NDC1: variants seen among roughly 807,000 people sequenced by gnomAD.
The protein encoded by NDC1 is nucleoporin NDC1.
A neutral mutation model predicts 89.8 loss-of-function variants in NDC1; 24 were observed. That is an observed-to-expected ratio of 0.27 (90% CI 0.19 to 0.38). NDC1 has a LOEUF of 0.38. Ranked by LOEUF, NDC1 falls within the 10% of genes least tolerant of loss-of-function variation. NDC1 has a pLI of 1.00. For synonymous variants in NDC1, 296 were observed against 284.8 expected (o/e 1.04, Z -0.39); for missense variants, 728 against 797.6 (o/e 0.91, Z 1.05).
At chr1:53,823,541 C>A (rs1403422361) in intron 5 of NDC1, among the ~76,000 whole-genome samples, 1 of 152,180 alleles carries the variant, frequency 6.6e-6, no homozygotes, top group African/African-American at 2.4e-5. Flanking sequence ...CACTCTACTG[C>A]ATATCTGTGG....
chr1:53,821,090 CA>C (rs1648655276), intron 5 of NDC1, among the ~76,000 whole-genome samples: 1 of 151,682 alleles, frequency 6.6e-6, no homozygotes, highest in Non-Finnish European at 1.5e-5. Flanking sequence ...TTATAGTATT[CA>C]GAAACTATAT....
In NDC1 at chr1:53,817,679, T is replaced by C. The variant is rs1316291466; in HGVS notation, c.703+1292A>G. ...AAAAGAAAAACATGACAGTGAAGTA[T>C]TTACAGAAGAATGACAATCATAAGA... On this transcript the variant is annotated intron_variant, in intron 6 of 17. Transcript: ENST00000371429. Among the ~76,000 whole-genome samples the C allele has an allele frequency of 2.0e-5, 3 of 152,048 alleles. No homozygotes were observed. In the East Asian group the frequency reaches 5.8e-4, roughly 29 times the overall value.
intron 3 of NDC1, among the ~76,000 whole-genome samples, chr1:53,832,065 C>A (rs1045262563): frequency 6.6e-6 from 1 of 151,952 alleles, no homozygotes; most frequent in Non-Finnish European, 1.5e-5. Context: ...ATTCACTATT[C>A]GAACCATTTT....
intron 5 of NDC1, among the ~76,000 whole-genome samples, chr1:53,824,456 A>G (rs1328231654): frequency 1.3e-5 from 2 of 152,142 alleles, no homozygotes; most frequent in Non-Finnish European, 2.9e-5. Context: ...ATAATAATAT[A>G]CCATTTGTTT....
At chr1:53,812,411 G>C (rs1648340086) in intron 6 of NDC1, among the ~76,000 whole-genome samples, 1 of 152,016 alleles carries the variant, frequency 6.6e-6, no homozygotes, top group Admixed American at 6.6e-5. Flanking sequence ...ATAGCTTAAA[G>C]AAAAAACAAT....
intron 5 of NDC1, among the ~76,000 whole-genome samples, chr1:53,825,453 C>A (rs1338656497): frequency 2.4e-4 from 30 of 125,948 alleles, no homozygotes; most frequent in African/African-American, 8.6e-4. Context: ...AGACTGTCTC[C>A]AAAAAAAAAG....
In NDC1 at chr1:53,821,292, T is replaced by C. The variant is rs1041361534; in HGVS notation, c.595-2213A>G. ...CTACTAAAAATACAAAAATAATATATGTAAGATAAGGCACGGTGGCAGGCG... is the reference window on the plus strand; with the variant it reads ...CTACTAAAAATACAAAAATAATATACGTAAGATAAGGCACGGTGGCAGGCG... On this transcript the variant is annotated intron_variant, in intron 5 of 17. Transcript: ENST00000371429. 5.9e-5 allele frequency among the ~76,000 whole-genome samples: 9 copies of C among 151,876 alleles called. 1 individual carries two copies. Among genetic ancestry groups the C allele is most frequent in the African/African-American group, 1.9e-4 (8 of 41,442 alleles).
At chr1:53,809,189 T>A (rs1336210220) in intron 7 of NDC1, among the ~76,000 whole-genome samples, 1 of 152,148 alleles carries the variant, frequency 6.6e-6, no homozygotes, top group Non-Finnish European at 1.5e-5. Flanking sequence ...GAAGGAATGA[T>A]TGTTGGGGAG....
intron 6 of NDC1, among the ~76,000 whole-genome samples, chr1:53,815,242 A>C (rs1226697701): frequency 6.6e-6 from 1 of 152,232 alleles, no homozygotes; most frequent in Non-Finnish European, 1.5e-5. Context: ...CATATCAAAA[A>C]GATAATCCAC....
chr1:53,834,264 A>G (rs1432209964), intron 2 of NDC1, among the ~76,000 whole-genome samples: 2 of 152,258 alleles, frequency 1.3e-5, no homozygotes, highest in African/African-American at 2.4e-5. Flanking sequence ...ACAATTGGTA[A>G]TGGCTCTCAA....
intron 17 of NDC1, 90 bp downstream of exon 17, chr1:53,772,239 T>C (rs1647119688): frequency 1.7e-6 from 2 of 1,149,814 alleles, no homozygotes; most frequent in Non-Finnish European, 2.5e-6. Context: ...AAGAACACTT[T>C]CAACACATGA....
At chr1:53,794,767 C>A (rs1472787066) in intron 13 of NDC1, among the ~76,000 whole-genome samples, 1 of 151,980 alleles carries the variant, frequency 6.6e-6, no homozygotes, top group Non-Finnish European at 1.5e-5. Flanking sequence ...CCCAGCTACT[C>A]AGGAGGCTGA....
At chr1:53,819,803 C>A (rs560212294) in intron 5 of NDC1, among the ~76,000 whole-genome samples, 6 of 152,252 alleles carry the variant, frequency 3.9e-5, no homozygotes, top group African/African-American at 1.4e-4. Flanking sequence ...AAAGCTGAAC[C>A]AGCTAAATAG....
At chr1:53,824,205 G>A (rs1462433998) in intron 5 of NDC1, among the ~76,000 whole-genome samples, 1 of 145,766 alleles carries the variant, frequency 6.9e-6, no homozygotes, top group Non-Finnish European at 1.5e-5. Context: ...CTGCGCTCCA[G>A]CCTGAGTGAC....
At chr1:53,807,566 T>TTGCGTGTGCTGA in intron 8 of NDC1, 90 bp downstream of exon 8, 1 of 1,071,952 alleles carries the variant, frequency 9.3e-7, no homozygotes, top group Non-Finnish European at 1.3e-6. Flanking sequence ...GGAAATGGTT[T>TTGCGTGTGCTGA]TGCGTGTGCT....
At chr1:53,785,232 ATTG>A (rs1414758897) in intron 16 of NDC1, among the ~76,000 whole-genome samples, 5 of 152,210 alleles carry the variant, frequency 3.3e-5, no homozygotes, top group Non-Finnish European at 5.9e-5. Flanking sequence ...CTGTACCATT[ATTG>A]TTGTTTTAAC....
At chr1:53,809,508 A>G (rs1648230977) in intron 7 of NDC1, among the ~76,000 whole-genome samples, 187 bp downstream of exon 7, 4 of 152,146 alleles carry the variant, frequency 2.6e-5, no homozygotes, top group African/African-American at 9.7e-5. Context: ...AGTACCACCA[A>G]GTCCTGCTAA....
intron 6 of NDC1, among the ~76,000 whole-genome samples, chr1:53,812,921 C>A (rs189890736): frequency 6.6e-6 from 1 of 152,122 alleles, no homozygotes; most frequent in Non-Finnish European, 1.5e-5. Context: ...AGCAGAAACC[C>A]GACAAGCTAG....
At chr1:53,812,394 G>A (rs1648338423) in intron 6 of NDC1, among the ~76,000 whole-genome samples, 1 of 152,128 alleles carries the variant, frequency 6.6e-6, no homozygotes, top group Admixed American at 6.6e-5. Flanking sequence ...AATATTCATA[G>A]AAATAGATAG....
Sources: gnomAD v4.1 joint callset for allele counts (sites outside exome capture counted in the v4.1 genomes callset) on GRCh38, gnomAD v4.1.1 for gene constraint, MANE v1.5 for transcripts, NCBI Gene and HGNC (gene_info 2026-07-23, HGNC 2026-07-21) for gene names.